The following CDK12 variants were observed in gnomAD, a reference collection of about 807,000 sequenced individuals.
CDK12 encodes the protein cyclin-dependent kinase 12.
CDK12 carries 17 observed loss-of-function variants against 133.8 expected under a neutral mutation model. That is an observed-to-expected ratio of 0.13 (90% CI 0.09 to 0.19). The LOEUF (loss-of-function observed/expected upper bound fraction) is 0.19. CDK12 is among the 10% of genes least tolerant of loss of function. CDK12 has a pLI of 1.00. For synonymous variants in CDK12, 694 were observed against 683.6 expected (o/e 1.02, Z -0.24); for missense variants, 1,508 against 1,818.7 (o/e 0.83, Z 3.11).
chr17:39,553,365 GCCATGGTGT>G (rs2056030099), intron 2 of CDK12, among the ~76,000 whole-genome samples: 2 of 151,812 alleles, frequency 1.3e-5, no homozygotes, highest in East Asian at 3.9e-4. Context: ...AGGTGGCAGT[GCCATGGTGT>G]CCATCAGCAC....
intron 1 of CDK12, among the ~76,000 whole-genome samples, chr17:39,466,795 C>T (rs2145055250): frequency 6.6e-6 from 1 of 151,826 alleles, no homozygotes; most frequent in South Asian, 2.1e-4. Flanking sequence ...TTTTAGTTGG[C>T]TTATAGAGAG....
chr17:39,526,433 C>A, intron 13 of CDK12, 117 bp downstream of exon 13: 1 of 736,548 alleles, frequency 1.4e-6, no homozygotes, highest in African/African-American at 1.8e-5. Flanking sequence ...ATTCTGTAAC[C>A]TAGTCTACAG....
At chr17:39,491,249 T>C (rs957800737) in intron 3 of CDK12, among the ~76,000 whole-genome samples, 4 of 152,188 alleles carry the variant, frequency 2.6e-5, no homozygotes, top group Non-Finnish European at 5.9e-5. Flanking sequence ...TATATACACA[T>C]TTTTGAGACA....
intron 3 of CDK12, among the ~76,000 whole-genome samples, chr17:39,562,664 T>C (rs569460802): frequency 6.6e-6 from 1 of 152,194 alleles, no homozygotes; most frequent in East Asian, 1.9e-4. Flanking sequence ...AACAATTAAT[T>C]AATGTGTTGG....
intron 12 of CDK12, among the ~76,000 whole-genome samples, chr17:39,525,305 A>G (rs1256190384): frequency 6.6e-6 from 1 of 152,166 alleles, no homozygotes; most frequent in Non-Finnish European, 1.5e-5. Flanking sequence ...ATAGACTGTT[A>G]TTTTGATCTA....
intron 5 of CDK12, among the ~76,000 whole-genome samples, chr17:39,497,227 C>T (rs1329339919): frequency 2.6e-5 from 4 of 152,182 alleles, no homozygotes; most frequent in South Asian, 2.1e-4. Flanking sequence ...CCACTGTACC[C>T]GGCCAAGTAT....
At chr17:39,482,909 ATTT>A (rs56026321) in intron 2 of CDK12, among the ~76,000 whole-genome samples, 1 of 138,910 alleles carries the variant, frequency 7.2e-6, no homozygotes. Flanking sequence ...CCTCAACTAA[ATTT>A]TTTTTTTTTT....
In CDK12 at chr17:39,531,935, T is replaced by A. The variant is rs2054867327; in HGVS notation, c.*619T>A. Reference sequence around the variant, plus strand: ...CCCCATTGAGCATCTTGAACATACTTTTTTTCCAAATAAATTACTCATCCT... The same window carrying A: ...CCCCATTGAGCATCTTGAACATACTATTTTTCCAAATAAATTACTCATCCT... On this transcript the variant is annotated 3_prime_UTR_variant, in exon 14 of 14. Coordinates refer to ENST00000447079, the MANE Select transcript of CDK12 (RefSeq NM_016507.4). The A allele has an allele frequency of 4.3e-6, 1 of 233,706 alleles. No individual in the cohort carries two copies. The highest frequency in any genetic ancestry group is 2.2e-5 in the African/African-American group (1 of 45,320). The allele number at this position is 233,706 out of a possible 1,614,324, so 14.5% of individuals were successfully genotyped here. A position where few individuals can be genotyped will look rare whatever the true frequency, so the allele number is the denominator to read the frequency against.
intron 3 of CDK12, among the ~76,000 whole-genome samples, chr17:39,561,063 C>T (rs1372320580): frequency 1.3e-5 from 2 of 152,048 alleles, no homozygotes; most frequent in African/African-American, 4.8e-5. Context: ...GGGACCTGTG[C>T]CCTTGAAATT....
chr17:39,557,901 A>T (rs1019386583), intron 3 of CDK12, among the ~76,000 whole-genome samples: 12 of 151,998 alleles, frequency 7.9e-5, no homozygotes, highest in Non-Finnish European at 1.6e-4. Flanking sequence ...AATTCACTTA[A>T]CCTCTTTGAG....
downstream of CDK12, among the ~76,000 whole-genome samples, chr17:39,536,147 C>G (rs1162770209): frequency 2.0e-5 from 3 of 152,124 alleles, no homozygotes; most frequent in Non-Finnish European, 2.9e-5. Context: ...GGTGGTACTC[C>G]TTACTGTACG....
intron 11 of CDK12, among the ~76,000 whole-genome samples, chr17:39,524,246 G>C (rs1598169072): frequency 6.6e-6 from 1 of 152,306 alleles, no homozygotes; most frequent in South Asian, 2.1e-4. Flanking sequence ...TTTTGATCAT[G>C]ATACATGGTT....
At chr17:39,508,885 C>T (rs1401311188) in intron 6 of CDK12, among the ~76,000 whole-genome samples, 1 of 150,988 alleles carries the variant, frequency 6.6e-6, no homozygotes, top group Non-Finnish European at 1.5e-5. Context: ...GTCCCAGCTA[C>T]TTGGGAGGCT....
chr17:39,494,498 A>G lies in CDK12; in HGVS notation c.2249-26A>G, dbSNP rs556730445. 53 of 1,609,946 alleles carry G rather than the reference A, an allele frequency of 3.3e-5. No individual in the cohort carries two copies. The African/African-American group carries it at 4.0e-4, about 12-fold the overall frequency. On this transcript the variant is annotated intron_variant, in intron 4 of 13. Coordinates refer to ENST00000447079, the MANE Select transcript of CDK12 (RefSeq NM_016507.4). ...TAGTGGCCAAAAATGCTCATTGATA[A>G]TAACAGTTTACATTTGTTTTGGCAG...
At chr17:39,530,550 T>G (rs1395120812) in intron 13 of CDK12, 54 bp from the exon 14 acceptor site, 12 of 1,518,254 alleles carry the variant, frequency 7.9e-6, no homozygotes, top group Non-Finnish European at 1.1e-5. Flanking sequence ...TGTTTGTGTT[T>G]ATAATCACAT....
Position 39,494,546 on chromosome 17 carries a change from G to C in CDK12, c.2271G>C (p.Lys757Asn). Residue 757 changes from lysine (K) to asparagine (N), a missense_variant, in exon 5 of 14, where the codon AAG (lysine) becomes AAC (asparagine). Coordinates refer to ENST00000447079, the MANE Select transcript of CDK12 (RefSeq NM_016507.4). ...CAGGAGAACTAGTGGCTCTGAAGAA[G>C]GTGAGACTAGACAATGAGAAAGAGG... ...KDTGELVALK[K>N]VRLDNEKEGF... The C allele has an allele frequency of 1.2e-6, 2 of 1,614,010 alleles. No homozygotes were observed. Among genetic ancestry groups the C allele is most frequent in the Non-Finnish European group, 1.7e-6 (2 of 1,179,942 alleles).
rs138304976 is a variant in CDK12 at position 39,555,503 on chromosome 17, C to T, written n.357-783C>T. Among the ~76,000 whole-genome samples, 82 of 152,052 alleles carry T rather than the reference C, an allele frequency of 5.4e-4. 1 individual carries two copies. In the East Asian group the frequency reaches 0.016, roughly 29 times the overall value. On this transcript the variant is annotated intron_variant and non_coding_transcript_variant, in intron 2 of 3. Coordinates refer to the CDK12 transcript ENST00000558240. The stretch of plus-strand genomic sequence containing the variant: ...TCCTTGTGTAGGAAGTCAGGAACAG[C>T]TCCATTCCCCCAGCTCTCCCGGGCA...
At chr17:39,497,664 G>A (rs951131812) in intron 5 of CDK12, among the ~76,000 whole-genome samples, 3 of 151,612 alleles carry the variant, frequency 2.0e-5, no homozygotes, top group Non-Finnish European at 4.4e-5. Flanking sequence ...GGAGTACAAC[G>A]GTGGTCATAG....
intron 3 of CDK12, among the ~76,000 whole-genome samples, chr17:39,563,690 G>GC (rs906429630): frequency 1.3e-5 from 2 of 152,104 alleles, no homozygotes; most frequent in Non-Finnish European, 2.9e-5. Flanking sequence ...CGGAAAGAGC[G>GC]CAGGATGGCG....
Sources: gnomAD v4.1 joint callset for allele counts (sites outside exome capture counted in the v4.1 genomes callset) on GRCh38, gnomAD v4.1.1 for gene constraint, MANE v1.5 for transcripts, NCBI Gene and HGNC (gene_info 2026-07-23, HGNC 2026-07-21) for gene names.